The following PLPP4 variants were observed in gnomAD, a reference collection of about 807,000 sequenced individuals.
PLPP4 encodes diacylglycerol pyrophosphate like 2.
A neutral mutation model predicts 32.2 loss-of-function variants in PLPP4; 20 were observed. The observed-to-expected ratio is 0.62, with a 90% CI of 0.44 to 0.90. PLPP4 has a LOEUF of 0.90. Among genes scored for constraint, PLPP4 ranks in the 40% least tolerant of loss-of-function variants. The pLI, the probability that PLPP4 is intolerant of heterozygous loss-of-function variation, is 0.00. For synonymous variants in PLPP4, 127 were observed against 133.0 expected (o/e 0.95, Z 0.31); for missense variants, 257 against 353.1 (o/e 0.73, Z 2.18).
chr10:120,574,575 C>T (rs1232100416), intron 5 of PLPP4, among the ~76,000 whole-genome samples: 5 of 152,182 alleles, frequency 3.3e-5, no homozygotes, highest in Non-Finnish European at 7.4e-5. Flanking sequence ...TCTTTTGTAG[C>T]ATTTGCTGGT....
chr10:120,518,783 G>T (rs1313598298), intron 3 of PLPP4, 50 bp from the exon 4 acceptor site: 7 of 1,458,824 alleles, frequency 4.8e-6, no homozygotes, highest in South Asian at 2.3e-5. Context: ...TGATGATTTT[G>T]ATTTAAGAGC....
intron 6 of PLPP4, among the ~76,000 whole-genome samples, chr10:120,579,916 G>C (rs1849404542): frequency 6.7e-6 from 1 of 149,828 alleles, no homozygotes; most frequent in Non-Finnish European, 1.5e-5. Context: ...GACCATCCTG[G>C]CTAACATGGT....
At chr10:120,470,705 T>C (rs1171975073) in intron 1 of PLPP4, among the ~76,000 whole-genome samples, 1 of 152,210 alleles carries the variant, frequency 6.6e-6, no homozygotes, top group Non-Finnish European at 1.5e-5. Flanking sequence ...CCTGGTATTG[T>C]CTCAATTAAT....
intron 5 of PLPP4, among the ~76,000 whole-genome samples, chr10:120,569,818 A>G (rs1320153598): frequency 6.6e-6 from 1 of 152,142 alleles, no homozygotes; most frequent in Non-Finnish European, 1.5e-5. Context: ...GGTGCCTCCT[A>G]TTGTCAGGCA....
chr10:120,547,411 G>T (rs1847677999), intron 5 of PLPP4, among the ~76,000 whole-genome samples: 1 of 152,128 alleles, frequency 6.6e-6, no homozygotes, highest in Non-Finnish European at 1.5e-5. Context: ...TCACATTTTT[G>T]AAGTGGACGT....
intron 5 of PLPP4, among the ~76,000 whole-genome samples, chr10:120,536,887 A>G (rs1847055135): frequency 6.6e-6 from 1 of 152,168 alleles, no homozygotes; most frequent in Non-Finnish European, 1.5e-5. Flanking sequence ...AAAAGCGAGC[A>G]AAAGACCTGA....
At chr10:120,548,852 T>G (rs75886871) in intron 5 of PLPP4, among the ~76,000 whole-genome samples, 1 of 152,166 alleles carries the variant, frequency 6.6e-6, no homozygotes, top group Non-Finnish European at 1.5e-5. Context: ...TTTCATATGC[T>G]TTTTGGCAAC....
At chr10:120,539,156 G>A (rs1201602629) in intron 5 of PLPP4, among the ~76,000 whole-genome samples, 1 of 152,164 alleles carries the variant, frequency 6.6e-6, no homozygotes, top group Non-Finnish European at 1.5e-5. Context: ...TCCTCTCTGA[G>A]GGCTTCTGCT....
intron 5 of PLPP4, among the ~76,000 whole-genome samples, chr10:120,521,354 C>T (rs1183444402): frequency 6.6e-6 from 1 of 152,188 alleles, no homozygotes; most frequent in Non-Finnish European, 1.5e-5. Context: ...TACTTTACCC[C>T]TGCACAGTAC....
In PLPP4 at chr10:120,591,000, C is replaced by T. The variant is rs939864897; in HGVS notation, c.*1498C>T. On this transcript the variant is annotated 3_prime_UTR_variant, in exon 7 of 7. Transcript: ENST00000398250. ...GCCAGGCTGGTCTCGGACTCCTAGC[C>T]TCAAGTGATCTGCCCACCTCGGCCT... 2.0e-5 allele frequency among the ~76,000 whole-genome samples: 3 copies of T among 151,976 alleles called. No homozygotes were observed. The highest frequency in any genetic ancestry group is 4.4e-5 in the Non-Finnish European group (3 of 68,014).
chr10:120,524,400 TG>T lies in PLPP4; in HGVS notation c.445+3308del, dbSNP rs540360258. On this transcript the variant is annotated intron_variant, in intron 5 of 6. Coordinates refer to ENST00000398250, the MANE Select transcript of PLPP4 (RefSeq NM_001030059.3). Reference sequence around the variant, plus strand: ...ATTTCATAGGCTGGACTTGAGTGACTGGGTAGGGGAGTTCTGGACTGAGGGA... The same window carrying T: ...ATTTCATAGGCTGGACTTGAGTGACTGGTAGGGGAGTTCTGGACTGAGGGA... Among the ~76,000 whole-genome samples, 3 of 152,274 alleles carry T rather than the reference TG, an allele frequency of 2.0e-5. No homozygotes were observed. In the South Asian group the frequency reaches 6.2e-4, roughly 32 times the overall value.
chr10:120,460,032 G>C (rs1008776992), intron 1 of PLPP4, among the ~76,000 whole-genome samples: 1 of 152,096 alleles, frequency 6.6e-6, no homozygotes, highest in Admixed American at 6.6e-5. Context: ...AGGCACCCCC[G>C]CTCCCGCAAC....
intron 5 of PLPP4, among the ~76,000 whole-genome samples, chr10:120,552,205 T>TGTGTGTGA (rs746664221): frequency 1.4e-5 from 2 of 145,292 alleles, no homozygotes; most frequent in African/African-American, 2.5e-5. Context: ...TGTGTGTGTG[T>TGTGTGTGA]GTGATGTTAT....
intron 1 of PLPP4, among the ~76,000 whole-genome samples, chr10:120,458,233 C>T (rs1368798387): frequency 2.6e-5 from 4 of 152,242 alleles, no homozygotes; most frequent in Non-Finnish European, 4.4e-5. Flanking sequence ...CCGTGAGCTG[C>T]TGTCACCTAG....
intron 5 of PLPP4, among the ~76,000 whole-genome samples, chr10:120,563,227 G>A (rs1420313370): frequency 6.6e-6 from 1 of 151,962 alleles, no homozygotes; most frequent in African/African-American, 2.4e-5. Context: ...TAACAAGAGC[G>A]AAACCCCATC....
intron 5 of PLPP4, among the ~76,000 whole-genome samples, chr10:120,567,682 G>GT (rs796893666): frequency 2.0e-5 from 3 of 150,548 alleles, no homozygotes; most frequent in East Asian, 2.0e-4. Flanking sequence ...TTGTTTGTTT[G>GT]TTTTTTTGAT....
intron 5 of PLPP4, among the ~76,000 whole-genome samples, chr10:120,567,682 G>GTTTT (rs796893666): frequency 6.6e-6 from 1 of 150,548 alleles, no homozygotes; most frequent in East Asian, 2.0e-4. Flanking sequence ...TTGTTTGTTT[G>GTTTT]TTTTTTTGAT....
Position 120,457,289 on chromosome 10 carries a change from G to A in PLPP4, c.-17G>A. On this transcript the variant is annotated 5_prime_UTR_variant, in exon 1 of 7. Coordinates refer to ENST00000398250, the MANE Select transcript of PLPP4 (RefSeq NM_001030059.3). Reference sequence around the variant, plus strand: ...GAGAGCACCAGCTGACGCCGCGGGAGCTGCTCCGGCCGCACCATGCGGGAG... The same window carrying A: ...GAGAGCACCAGCTGACGCCGCGGGAACTGCTCCGGCCGCACCATGCGGGAG... 1.3e-6 allele frequency: 2 copies of A among 1,495,588 alleles called. No individual in the cohort carries two copies. The highest frequency in any genetic ancestry group is 2.9e-5 in the African/African-American group (2 of 69,656). 92.6% of individuals were successfully genotyped at this position (1,495,588 alleles called of 1,614,324 possible). A position where few individuals can be genotyped will look rare whatever the true frequency, so the allele number is the denominator to read the frequency against.
intron 6 of PLPP4, among the ~76,000 whole-genome samples, chr10:120,584,309 C>T (rs1338741505): frequency 2.0e-5 from 3 of 152,216 alleles, no homozygotes; most frequent in Middle Eastern, 3.2e-3. Context: ...GACCCTCACA[C>T]GTTTCCTTCA....
Sources: gnomAD v4.1 joint callset for allele counts (sites outside exome capture counted in the v4.1 genomes callset) on GRCh38, gnomAD v4.1.1 for gene constraint, MANE v1.5 for transcripts, NCBI Gene and HGNC (gene_info 2026-07-23, HGNC 2026-07-21) for gene names.